The following TGFB1 variants were observed in gnomAD, a reference collection of about 807,000 sequenced individuals.
TGFB1 encodes transforming growth factor beta-1 proprotein.
A neutral mutation model predicts 43.8 loss-of-function variants in TGFB1; 19 were observed. The observed-to-expected ratio is 0.43, with a 90% CI of 0.30 to 0.64. The LOEUF (loss-of-function observed/expected upper bound fraction) is 0.64, where lower values mean the gene tolerates loss of function less well. Among genes scored for constraint, TGFB1 ranks in the 30% least tolerant of loss-of-function variants. The pLI, the probability that TGFB1 is intolerant of heterozygous loss-of-function variation, is 0.11. For missense variants in TGFB1, 445 were observed against 529.8 expected, an observed-to-expected ratio of 0.84 and a Z score of 1.57; for synonymous variants, 221 against 236.3, an observed-to-expected ratio of 0.94 and a Z score of 0.60.
intron 5 of TGFB1, among the ~76,000 whole-genome samples, chr19:41,336,152 T>C (rs1256110104): frequency 6.6e-5 from 10 of 151,586 alleles, no homozygotes; most frequent in Non-Finnish European, 1.5e-4. Context: ...CACACCACCA[T>C]ACCCAGCTAA....
At chr19:41,333,565 T>C (rs1335795371) in intron 5 of TGFB1, among the ~76,000 whole-genome samples, 4 of 152,176 alleles carry the variant, frequency 2.6e-5, no homozygotes, top group African/African-American at 9.7e-5. Flanking sequence ...CTCACTATGT[T>C]GCTGAGGCTG....
intron 5 of TGFB1, among the ~76,000 whole-genome samples, chr19:41,334,424 CT>C (rs750640294): frequency 0.01 from 1,194 of 116,982 alleles, 8 homozygotes; most frequent in African/African-American, 0.026. Flanking sequence ...TTGACAATGC[CT>C]TTTTTTTTTT....
intron 1 of TGFB1, among the ~76,000 whole-genome samples, chr19:41,351,651 C>T (rs535330097): frequency 3.3e-5 from 5 of 152,300 alleles, no homozygotes; most frequent in Non-Finnish European, 7.4e-5. Context: ...GGTGGAAGCG[C>T]AGGCTCCTCC....
intron 5 of TGFB1, among the ~76,000 whole-genome samples, chr19:41,335,994 G>GTTTTT: frequency 7.4e-6 from 1 of 134,934 alleles, no homozygotes. Flanking sequence ...TCCTATGAAA[G>GTTTTT]TTTTTTTTTT....
At chr19:41,345,107 C>T (rs2038101332) in intron 2 of TGFB1, among the ~76,000 whole-genome samples, 2 of 152,162 alleles carry the variant, frequency 1.3e-5, no homozygotes, top group African/African-American at 4.8e-5. Flanking sequence ...ACAGCTCAGC[C>T]GAAGGTGTTT....
In TGFB1 at chr19:41,330,426, G is replaced by A. The variant is rs2037916723; in HGVS notation, c.*626C>T. Reference sequence around the variant, plus strand: ...TTTAAAAGTGTTTTGTAGAGATAGGGTCTCACTATGTTACCCAGGCTGGTC... The same window carrying A: ...TTTAAAAGTGTTTTGTAGAGATAGGATCTCACTATGTTACCCAGGCTGGTC... On this transcript the variant is annotated 3_prime_UTR_variant, in exon 7 of 7. Coordinates refer to ENST00000221930, the MANE Select transcript of TGFB1 (RefSeq NM_000660.7). 1 of 152,128 alleles carries A rather than the reference G, an allele frequency of 6.6e-6. No homozygotes were observed. The highest frequency in any genetic ancestry group is 1.5e-5 in the Non-Finnish European group (1 of 68,068). The allele number at this position is 152,128 out of a possible 1,614,324, so 9.4% of individuals were successfully genotyped here.
Position 41,330,425 on chromosome 19 carries a change from G to A in TGFB1, c.*627C>T, listed in dbSNP as rs2037916674. 1 of 152,044 alleles carries A rather than the reference G, an allele frequency of 6.6e-6. No individual in the cohort carries two copies. The highest frequency in any genetic ancestry group is 6.6e-5 in the Admixed American group (1 of 15,240). The allele number at this position is 152,044 out of a possible 1,614,324, so 9.4% of individuals were successfully genotyped here. On this transcript the variant is annotated 3_prime_UTR_variant, in exon 7 of 7. Coordinates refer to ENST00000221930, the MANE Select transcript of TGFB1 (RefSeq NM_000660.7). ...TTTTAAAAGTGTTTTGTAGAGATAG[G>A]GTCTCACTATGTTACCCAGGCTGGT...
In TGFB1 at chr19:41,330,911, C is replaced by T. The variant is rs1868295807; in HGVS notation, c.*141G>A. 1 of 670,008 alleles carries T rather than the reference C, an allele frequency of 1.5e-6. No individual in the cohort carries two copies. Among genetic ancestry groups the T allele is most frequent in the South Asian group, 2.1e-5 (1 of 47,400 alleles). The allele number at this position is 670,008 out of a possible 1,614,324, so 41.5% of individuals were successfully genotyped here. On this transcript the variant is annotated 3_prime_UTR_variant, in exon 7 of 7. Coordinates refer to ENST00000221930, the MANE Select transcript of TGFB1 (RefSeq NM_000660.7). ...AGGCGCCCAATGACACAGAGATCCG[C>T]AGTCCTCTCTCCATCTTTAATGGGG...
At chr19:41,346,055 A>T (rs2038113097) in intron 2 of TGFB1, among the ~76,000 whole-genome samples, 2 of 151,622 alleles carry the variant, frequency 1.3e-5, no homozygotes, top group Admixed American at 1.3e-4. Flanking sequence ...ACATCTGTGT[A>T]GAATAATTTT....
intron 5 of TGFB1, among the ~76,000 whole-genome samples, chr19:41,334,647 G>A (rs1422453464): frequency 1.3e-5 from 2 of 151,694 alleles, no homozygotes; most frequent in African/African-American, 2.4e-5. Flanking sequence ...ACCTGGTGGC[G>A]GGCACCTGTA....
At chr19:41,332,333 G>A in intron 5 of TGFB1, 52 bp from the exon 6 acceptor site, 1 of 1,582,730 alleles carries the variant, frequency 6.3e-7, no homozygotes, top group Non-Finnish European at 8.6e-7. Flanking sequence ...CACCATAGAA[G>A]CCACATGCCC....
chr19:41,335,642 G>A (rs371179049), intron 5 of TGFB1, among the ~76,000 whole-genome samples: 48 of 152,216 alleles, frequency 3.2e-4, no homozygotes, highest in East Asian at 3.1e-3. Flanking sequence ...ACCCTGCACC[G>A]GGCCTTGGGA....
At chr19:41,331,757 G>A (rs564293727) in intron 6 of TGFB1, among the ~76,000 whole-genome samples, 1 of 151,446 alleles carries the variant, frequency 6.6e-6, no homozygotes, top group Non-Finnish European at 1.5e-5. Flanking sequence ...TTCGCCTCTT[G>A]CCTTGTTGTG....
At chr19:41,346,869 G>A (rs2038121975) in intron 2 of TGFB1, among the ~76,000 whole-genome samples, 1 of 151,946 alleles carries the variant, frequency 6.6e-6, no homozygotes, top group Non-Finnish European at 1.5e-5. Flanking sequence ...GGGATTACAG[G>A]TGCCTGCCAC....
intron 5 of TGFB1, among the ~76,000 whole-genome samples, chr19:41,340,251 CTTTTT>C (rs3061188): frequency 3.4e-4 from 43 of 125,214 alleles, no homozygotes; most frequent in East Asian, 6.7e-4. Context: ...CACTTTCTTT[CTTTTT>C]TTTTTTTTTT....
rs1332127818 is a variant in TGFB1 at position 41,342,013 on chromosome 19, G to A, written c.730C>T (p.Arg244Ter). 6.2e-7 allele frequency: 1 copy of A among 1,614,168 alleles called. No homozygotes were observed. Among genetic ancestry groups the A allele is most frequent in the Non-Finnish European group, 8.5e-7 (1 of 1,180,036 alleles). Residue 244 changes from arginine to a stop codon, truncating the protein, a stop_gained, in exon 5 of 7, where the codon CGA becomes TGA. Coordinates refer to ENST00000221930, the MANE Select transcript of TGFB1 (RefSeq NM_000660.7). LOFTEE classifies it high-confidence loss of function. ...CCATGAATGGTGGCCAGGTCACCTC[G>A]GCGGCCGGTAGTGAACCCTGCTTTG... ...VDINGFTTGRRGDLATIHGMN... is the reference protein window; with the variant it reads ...VDINGFTTGR
At position 41,350,251 on chromosome 19, in the gene TGFB1, C is replaced by T. The variant is rs1434793069; in HGVS notation, c.356-1796G>A. Among the ~76,000 whole-genome samples, 2 of 151,546 alleles carry T rather than the reference C, an allele frequency of 1.3e-5. 1 individual carries two copies. Among genetic ancestry groups the T allele is most frequent in the East Asian group, 3.9e-4 (2 of 5,146 alleles). ...CCAGCTGGTTAGGGAAAGTGAAGTT[C>T]ATTCTGGGTAGGAATGGCTGTAGTG... On this transcript the variant is annotated intron_variant, in intron 1 of 6. Coordinates refer to ENST00000221930, the MANE Select transcript of TGFB1 (RefSeq NM_000660.7).
intron 5 of TGFB1, among the ~76,000 whole-genome samples, chr19:41,339,280 A>G (rs2042536679): frequency 2.6e-5 from 4 of 151,830 alleles, no homozygotes; most frequent in Non-Finnish European, 1.5e-5. Context: ...CCAGCCAGCT[A>G]GTTTTTTTGT....
At chr19:41,343,797 G>A (rs986643449) in intron 3 of TGFB1, among the ~76,000 whole-genome samples, 1 of 143,758 alleles carries the variant, frequency 7.0e-6, no homozygotes, top group Non-Finnish European at 1.5e-5. Flanking sequence ...CACACAGCAG[G>A]AACCTGTGGG....
Sources: allele counts gnomAD v4.1 joint callset (sites outside exome capture counted in the v4.1 genomes callset), GRCh38; gene constraint gnomAD v4.1.1; transcripts MANE v1.5; gene names NCBI Gene and HGNC (gene_info 2026-07-23, HGNC 2026-07-21).